Variants in GPR78 observed in about 807,000 individuals in gnomAD.
The protein encoded by GPR78 is G protein-coupled receptor 78.
GPR78 carries 29 observed loss-of-function variants against 17.9 expected under a neutral mutation model. The observed-to-expected ratio is 1.62, with a 90% confidence interval of 1.20 to 2.21. GPR78 has a LOEUF of 2.21. GPR78 is among the 30% of genes most tolerant of loss of function. The pLI is 0.00. For missense variants in GPR78, 649 were observed against 530.5 expected (o/e 1.22, Z -2.19); for synonymous variants, 349 against 256.9 (o/e 1.36, Z -3.43).
intron 2 of GPR78, among the ~76,000 whole-genome samples, chr4:8,583,454 G>T (rs1190005960): frequency 1.3e-5 from 2 of 152,206 alleles, no homozygotes; most frequent in African/African-American, 4.8e-5. Context: ...TATGTGTTGA[G>T]CCATAGCAGG....
At position 8,581,590 on chromosome 4, in the gene GPR78, G is replaced by A. The variant is rs777324813; in HGVS notation, c.608G>A (p.Cys203Tyr). The change falls in exon 1 of 3, where the codon TGC becomes TAC. Residue 203 changes from cysteine to tyrosine, a missense_variant. Transcript: ENST00000382487. ...GTGCACCGGGTGGCACGCAGACACT[G>A]CCAGCGCATGGACACCGTCACCATG... is the stretch of plus-strand genomic sequence containing the variant. Reference protein sequence around the residue: ...LQVHRVARRHCQRMDTVTMKA... With the variant: ...LQVHRVARRHYQRMDTVTMKA... 44 of 1,557,192 alleles carry A rather than the reference G, an allele frequency of 2.8e-5. No homozygotes were observed. Among genetic ancestry groups the A allele is most frequent in the Non-Finnish European group, 3.5e-5 (41 of 1,158,660 alleles).
At chr4:8,581,678 C>G in intron 1 of GPR78, 28 bp downstream of exon 1, 6 of 1,420,810 alleles carry the variant, frequency 4.2e-6, no homozygotes, top group Non-Finnish European at 5.5e-6. Context: ...GCCGACAGGC[C>G]CAGGCCAGGG....
chr4:8,582,575 G>A lies in GPR78; in HGVS notation c.713G>A (p.Arg238His), dbSNP rs202089891. 3.9e-5 allele frequency: 63 copies of A among 1,612,644 alleles called. No individual in the cohort carries two copies. Among genetic ancestry groups the A allele is most frequent in the Non-Finnish European group, 4.7e-5 (56 of 1,179,894 alleles). Reference sequence around the variant, plus strand: ...ATCCAGCAGAAGCGGCGCCGCCACCGCGCCACCAGGAAGATTGGCATTGCT... The same window carrying A: ...ATCCAGCAGAAGCGGCGCCGCCACCACGCCACCAGGAAGATTGGCATTGCT... ...CLIQQKRRRH[R>H]ATRKIGIAIA... Residue 238 changes from arginine (R) to histidine (H), a missense_variant, in exon 2 of 3, where the codon CGC becomes CAC. Physicochemically the swap from Arg to His is conservative, Grantham distance 29. Coordinates refer to ENST00000382487, the MANE Select transcript of GPR78 (RefSeq NM_080819.5).
Position 8,587,352 on chromosome 4 carries a change from C to T in GPR78, c.1081C>T (p.Gln361Ter). The T allele has an allele frequency of 6.2e-7, 1 of 1,612,432 alleles. No individual in the cohort carries two copies. Among genetic ancestry groups the T allele is most frequent in the Non-Finnish European group, 8.5e-7 (1 of 1,179,530 alleles). Residue 361 changes from glutamine (Q) to a stop codon, truncating the protein, a stop_gained, in exon 3 of 3, where the codon CAG (glutamine) becomes TAG (stop). Coordinates refer to ENST00000382487, the MANE Select transcript of GPR78 (RefSeq NM_080819.5). LOFTEE classifies it high-confidence loss of function. ...VDTENDSCLQ[Q>*]TH Reference sequence around the variant, plus strand: ...CACAGAGAATGATTCCTGCCTGCAGCAGACACACTGAGGGCCTGGCAGGGC... The same window carrying T: ...CACAGAGAATGATTCCTGCCTGCAGTAGACACACTGAGGGCCTGGCAGGGC...
rs1487716272 is a variant in GPR78 at position 8,588,812 on chromosome 4, C to T, written c.*1449C>T. Among the ~76,000 whole-genome samples, 4 of 152,192 alleles carry T rather than the reference C, an allele frequency of 2.6e-5. No homozygotes were observed. Among genetic ancestry groups the T allele is most frequent in the African/African-American group, 4.8e-5 (2 of 41,456 alleles). On this transcript the variant is annotated 3_prime_UTR_variant, in exon 3 of 3. Coordinates refer to ENST00000382487, the MANE Select transcript of GPR78 (RefSeq NM_080819.5). ...TGCTCTTGGCATTAACGGTGGAGAA[C>T]CCAGCTGAGGTGGCTTCACAGATTC...
intron 2 of GPR78, among the ~76,000 whole-genome samples, chr4:8,584,267 TTACA>T (rs1213099609): frequency 6.6e-6 from 1 of 152,204 alleles, no homozygotes; most frequent in East Asian, 1.9e-4. Flanking sequence ...TCCTGTGTGT[TTACA>T]ATGCCCTGAA....
At chr4:8,586,293 A>C (rs544182482) in intron 2 of GPR78, among the ~76,000 whole-genome samples, 3 of 152,242 alleles carry the variant, frequency 2.0e-5, no homozygotes, top group Middle Eastern at 3.4e-3. Context: ...CTGAGTTCTA[A>C]TCTGATTTCA....
At chr4:8,586,456 G>A (rs1242185307) in intron 2 of GPR78, among the ~76,000 whole-genome samples, 2 of 152,184 alleles carry the variant, frequency 1.3e-5, no homozygotes, top group East Asian at 3.9e-4. Context: ...GGTGCCCGTG[G>A]ACATCCTGTG....
Position 8,582,523 on chromosome 4 carries a change from C to T in GPR78, c.669-8C>T, listed in dbSNP as rs372697554. On this transcript the variant is annotated splice_region_variant and splice_polypyrimidine_tract_variant and intron_variant, in intron 1 of 2. Transcript: ENST00000382487. ...CATCATCCTGACCACTGTCCTCTGT[C>T]CCCACAGTGTGCGGCAGCGCTGCCT... is the stretch of plus-strand genomic sequence containing the variant. The T allele has an allele frequency of 5.0e-6, 8 of 1,591,312 alleles. No homozygotes were observed. The Admixed American group carries it at 1.0e-4, about 20-fold the overall frequency.
Position 8,589,612 on chromosome 4 carries a change from G to T in GPR78, c.*2249G>T, listed in dbSNP as rs1362257824. Among the ~76,000 whole-genome samples, 1 of 152,234 alleles carries T rather than the reference G, an allele frequency of 6.6e-6. No individual in the cohort carries two copies. On this transcript the variant is annotated 3_prime_UTR_variant, in exon 3 of 3. Transcript: ENST00000382487. Reference sequence around the variant, plus strand: ...CCTGGGAGCTCCCCAGGTGCGAGGAGCCTGCCAGCCAGTGGGGCCTACACT... The same window carrying T: ...CCTGGGAGCTCCCCAGGTGCGAGGATCCTGCCAGCCAGTGGGGCCTACACT...
chr4:8,584,898 A>G (rs1228018580), intron 2 of GPR78, among the ~76,000 whole-genome samples: 1 of 152,192 alleles, frequency 6.6e-6, no homozygotes, highest in Non-Finnish European at 1.5e-5. Context: ...TCTCCTGGGA[A>G]TTGTTTTCAG....
intron 2 of GPR78, among the ~76,000 whole-genome samples, chr4:8,583,389 T>A (rs1315963416): frequency 1.3e-5 from 2 of 152,146 alleles, no homozygotes; most frequent in Non-Finnish European, 2.9e-5. Flanking sequence ...GGAATCTCCA[T>A]GGAATTTCTG....
In GPR78 at chr4:8,581,068, G is replaced by T. The variant is rs1362115059; in HGVS notation, c.86G>T (p.Cys29Phe). ...ALLSNALVLL[C>F]CAYSAELRTR... Reference sequence around the variant, plus strand: ...CTATCCAACGCACTGGTGCTGCTTTGTTGCGCCTACAGCGCTGAGCTCCGC... The same window carrying T: ...CTATCCAACGCACTGGTGCTGCTTTTTTGCGCCTACAGCGCTGAGCTCCGC... The change falls in exon 1 of 3, where the codon TGT becomes TTT. Residue 29 changes from cysteine to phenylalanine, a missense_variant. Cys to Phe is a radical substitution (Grantham distance 205). Coordinates refer to ENST00000382487, the MANE Select transcript of GPR78 (RefSeq NM_080819.5). The T allele has an allele frequency of 1.2e-6, 2 of 1,606,460 alleles. No homozygotes were observed. The highest frequency in any genetic ancestry group is 1.7e-6 in the Non-Finnish European group (2 of 1,179,004).
chr4:8,585,354 G>C (rs1713461665), intron 2 of GPR78, among the ~76,000 whole-genome samples: 1 of 152,158 alleles, frequency 6.6e-6, no homozygotes, highest in East Asian at 1.9e-4. Flanking sequence ...CTGCACCGTG[G>C]CTTAACTAGG....
In GPR78 at chr4:8,587,432, G is replaced by C; in HGVS notation, c.*69G>C. ...TGGAAAGGGCACTGGCCCTGCCACA[G>C]AGATGCCACTGGGGACCCCCAGACA... On this transcript the variant is annotated 3_prime_UTR_variant, in exon 3 of 3. Coordinates refer to ENST00000382487, the MANE Select transcript of GPR78 (RefSeq NM_080819.5). 2 of 1,483,822 alleles carry C rather than the reference G, an allele frequency of 1.3e-6. No individual in the cohort carries two copies. The highest frequency in any genetic ancestry group is 1.8e-6 in the Non-Finnish European group (2 of 1,087,308). The allele number at this position is 1,483,822 out of a possible 1,614,324, so 91.9% of individuals were successfully genotyped here. A position where few individuals can be genotyped will look rare whatever the true frequency, so the allele number is the denominator to read the frequency against.
At position 8,587,295 on chromosome 4, in the gene GPR78, C is replaced by T. The variant is rs577710912; in HGVS notation, c.1024C>T (p.Arg342Cys). 1.9e-5 allele frequency: 31 copies of T among 1,610,846 alleles called. 1 individual carries two copies. The Middle Eastern group carries it at 5.0e-4, about 26-fold the overall frequency. Residue 342 changes from arginine (R) to cysteine (C), a missense_variant, in exon 3 of 3, where the codon CGC becomes TGC. Physicochemically the swap from Arg to Cys is radical, Grantham distance 180 (BLOSUM62 -3). Transcript: ENST00000382487. The part of the protein sequence containing the change: ...MVHQLLKRTP[R>C]PASTHNGSVD... The stretch of plus-strand genomic sequence containing the variant: ...GCACCAGCTGCTGAAGAGAACCCCG[C>T]GCCCAGCGTCCACCCACAACGGCTC...
chr4:8,581,171 G>T lies in GPR78; in HGVS notation c.189G>T (p.Thr63=), dbSNP rs919179643. The change falls in exon 1 of 3, where the codon ACG becomes ACT. Residue 63 remains threonine, a synonymous_variant. Coordinates refer to ENST00000382487, the MANE Select transcript of GPR78 (RefSeq NM_080819.5). ...TGGCGGCGCTGGACATGCCCTTCAC[G>T]CTGCTCGGTGTGATGCGCGGGCGGA... ...LLLAALDMPF[T]LLGVMRGRTP... 1 of 1,603,556 alleles carries T rather than the reference G, an allele frequency of 6.2e-7. No homozygotes were observed. Among genetic ancestry groups the T allele is most frequent in the African/African-American group, 1.3e-5 (1 of 75,012 alleles).
chr4:8,582,257 A>T (rs572577213), intron 1 of GPR78, among the ~76,000 whole-genome samples: 2 of 152,122 alleles, frequency 1.3e-5, no homozygotes, highest in Non-Finnish European at 2.9e-5. Flanking sequence ...CTCCATCAGC[A>T]GCCTGCCTCA....
rs1713596172 is a variant in GPR78 at position 8,588,270 on chromosome 4, C to CT, written c.*907_*908insT. 6.6e-6 allele frequency among the ~76,000 whole-genome samples: 1 copy of CT among 152,164 alleles called. No individual in the cohort carries two copies. Among genetic ancestry groups the CT allele is most frequent in the African/African-American group, 2.4e-5 (1 of 41,438 alleles). On this transcript the variant is annotated 3_prime_UTR_variant, in exon 3 of 3. Coordinates refer to ENST00000382487, the MANE Select transcript of GPR78 (RefSeq NM_080819.5). ...TGGGATGGGGAGGGCCCTTGCTCCC[C>CT]AACAGCAGTGCTGGGGGAGCCAAGA...
Sources: allele counts gnomAD v4.1 joint callset (sites outside exome capture counted in the v4.1 genomes callset), GRCh38; gene constraint gnomAD v4.1.1; transcripts MANE v1.5; gene names NCBI Gene and HGNC (gene_info 2026-07-23, HGNC 2026-07-21).